Variants in KIAA0319 observed in about 807,000 individuals in gnomAD.
KIAA0319 encodes dyslexia-associated protein KIAA0319.
Under a neutral mutation model 108.4 loss-of-function variants are expected in KIAA0319, and 83 were observed. That is an observed-to-expected ratio of 0.77 (90% CI 0.64 to 0.92). The LOEUF is 0.92. Ranked by LOEUF, KIAA0319 falls within the 40% of genes least tolerant of loss-of-function variation. KIAA0319 has a pLI of 0.00. For synonymous variants in KIAA0319, 484 were observed against 510.4 expected (o/e 0.95, Z 0.70); for missense variants, 1,195 against 1,322.4 (o/e 0.90, Z 1.49).
At chr6:24,580,897 CAGG>C (rs769748671) in intron 7 of KIAA0319, 26 bp downstream of exon 7, 7 of 1,430,080 alleles carry the variant, frequency 4.9e-6, no homozygotes, top group African/African-American at 4.2e-5. Context: ...ATATGTACAA[CAGG>C]AGGTCATTCT....
At chr6:24,563,242 A>C in intron 16 of KIAA0319, 117 bp downstream of exon 16, 1 of 1,171,980 alleles carries the variant, frequency 8.5e-7, no homozygotes, top group Non-Finnish European at 1.2e-6. Flanking sequence ...AATGGGATAA[A>C]AGTGTGTCAA....
intron 1 of KIAA0319, among the ~76,000 whole-genome samples, chr6:24,635,403 C>A (rs766299316): frequency 2.6e-5 from 4 of 152,072 alleles, no homozygotes; most frequent in African/African-American, 4.8e-5. Flanking sequence ...CACACCTGGC[C>A]AGGAAAGGCA....
At chr6:24,580,313 C>A (rs933213886) in intron 7 of KIAA0319, among the ~76,000 whole-genome samples, 2 of 142,122 alleles carry the variant, frequency 1.4e-5, no homozygotes, top group Non-Finnish European at 3.1e-5. Flanking sequence ...AAGGCAACTC[C>A]CCCCCCCACC....
intron 17 of KIAA0319, among the ~76,000 whole-genome samples, chr6:24,558,769 C>T (rs533417174): frequency 6.6e-6 from 1 of 152,198 alleles, no homozygotes; most frequent in Non-Finnish European, 1.5e-5. Context: ...CTGCCAATAG[C>T]CATTATCTTG....
intron 9 of KIAA0319, among the ~76,000 whole-genome samples, chr6:24,577,693 C>A (rs1407891417): frequency 6.6e-6 from 1 of 152,186 alleles, no homozygotes. Flanking sequence ...CCCTCATACT[C>A]CACACAACCA....
At chr6:24,582,525 CCT>C (rs906916504) in intron 5 of KIAA0319, among the ~76,000 whole-genome samples, 179 bp from the exon 6 acceptor site, 4 of 149,560 alleles carry the variant, frequency 2.7e-5, no homozygotes, top group African/African-American at 9.8e-5. Flanking sequence ...GTTTTTATCC[CCT>C]CACTCTTGTT....
At chr6:24,590,046 T>C (rs1407918778) in intron 3 of KIAA0319, among the ~76,000 whole-genome samples, 1 of 152,198 alleles carries the variant, frequency 6.6e-6, no homozygotes, top group African/African-American at 2.4e-5. Flanking sequence ...ACAGGGACCA[T>C]GTGCAGTGAG....
At chr6:24,568,968 A>T in intron 12 of KIAA0319, 39 bp from the exon 13 acceptor site, 1 of 1,601,694 alleles carries the variant, frequency 6.2e-7, no homozygotes, top group Non-Finnish European at 8.5e-7. Flanking sequence ...GGGAGGGGGC[A>T]TGGGGTTTTG....
intron 3 of KIAA0319, among the ~76,000 whole-genome samples, chr6:24,594,396 T>TG (rs951035122): frequency 1.2e-4 from 18 of 151,468 alleles, no homozygotes; most frequent in African/African-American, 1.5e-4. Context: ...GAGGCCGAGG[T>TG]GGGGGTATCA....
chr6:24,602,571 C>T (rs780738367), intron 1 of KIAA0319, among the ~76,000 whole-genome samples: 3 of 152,048 alleles, frequency 2.0e-5, no homozygotes, highest in Non-Finnish European at 4.4e-5. Flanking sequence ...GAGGCCAAGG[C>T]GGGTGGATCA....
intron 2 of KIAA0319, chr6:24,598,276 C>T: frequency 1.6e-6 from 1 of 636,372 alleles, no homozygotes; most frequent in Non-Finnish European, 2.9e-6. Flanking sequence ...GGAGGTGGAC[C>T]CCAACATCCA....
intron 1 of KIAA0319, among the ~76,000 whole-genome samples, chr6:24,610,678 TG>T (rs1294940187): frequency 1.3e-5 from 2 of 152,060 alleles, no homozygotes; most frequent in African/African-American, 4.8e-5. Context: ...CCCAGCACTT[TG>T]GGAGGCTGAG....
chr6:24,603,874 T>C (rs1771026246), intron 1 of KIAA0319, among the ~76,000 whole-genome samples: 1 of 152,058 alleles, frequency 6.6e-6, no homozygotes, highest in Non-Finnish European at 1.5e-5. Flanking sequence ...CCCGTTGAAA[T>C]GCACATAGGG....
chr6:24,595,565 A>AC, intron 3 of KIAA0319, among the ~76,000 whole-genome samples: 1 of 143,266 alleles, frequency 7.0e-6, no homozygotes, highest in African/African-American at 2.5e-5. Context: ...AAAAAAAAAA[A>AC]AAAAACGCTA....
At chr6:24,590,413 A>G (rs865855639) in intron 3 of KIAA0319, among the ~76,000 whole-genome samples, 2 of 152,114 alleles carry the variant, frequency 1.3e-5, no homozygotes, top group African/African-American at 2.4e-5. Flanking sequence ...TAATTTTAAG[A>G]TGTTTGATTT....
chr6:24,599,460 C>T lies in KIAA0319; in HGVS notation c.55+1589G>A. On this transcript the variant is annotated intron_variant, in intron 2 of 20. Coordinates refer to ENST00000378214, the MANE Select transcript of KIAA0319 (RefSeq NM_014809.4). This position sits in a 1 kb window ranked among gnomAD's most constrained non-coding sequence, Gnocchi z 4.1. The stretch of plus-strand genomic sequence containing the variant: ...GTGGGCCATGCAGGACATGGCATGG[C>T]AGCTGCATGAGTACCAGGAGCTGAT... The T allele has an allele frequency of 1.8e-6, 1 of 553,778 alleles. No individual in the cohort carries two copies. The highest frequency in any genetic ancestry group is 1.9e-5 in the African/African-American group (1 of 53,316). 34.3% of individuals were successfully genotyped at this position (553,778 alleles called of 1,614,324 possible).
At chr6:24,585,296 C>T (rs1767294517) in intron 4 of KIAA0319, among the ~76,000 whole-genome samples, 2 of 151,606 alleles carry the variant, frequency 1.3e-5, no homozygotes, top group Non-Finnish European at 2.9e-5. Flanking sequence ...CAGGCAAACC[C>T]GCATCTCATT....
chr6:24,615,370 A>T (rs1051554632), intron 1 of KIAA0319, among the ~76,000 whole-genome samples: 7 of 152,190 alleles, frequency 4.6e-5, no homozygotes, highest in Non-Finnish European at 8.8e-5. Context: ...CAGTGACTAT[A>T]GTAAGCTACC....
rs563688643 is a variant in KIAA0319, at chr6:24,546,964, A to T, written c.*201T>A. 3 of 539,776 alleles carry T rather than the reference A, an allele frequency of 5.6e-6. No homozygotes were observed. The highest frequency in any genetic ancestry group is 3.3e-6 in the Non-Finnish European group (1 of 302,464). 33.4% of individuals were successfully genotyped at this position (539,776 alleles called of 1,614,324 possible). A position where few individuals can be genotyped will look rare whatever the true frequency, so the allele number is the denominator to read the frequency against. ...AGAGTTTTACCCAGCCTTTATTTCTATTAACAAGCATCTCAGTTAAAAGAG... is the reference window on the plus strand; with the variant it reads ...AGAGTTTTACCCAGCCTTTATTTCTTTTAACAAGCATCTCAGTTAAAAGAG... On this transcript the variant is annotated 3_prime_UTR_variant, in exon 21 of 21. Coordinates refer to ENST00000378214, the MANE Select transcript of KIAA0319 (RefSeq NM_014809.4).
Sources: allele counts gnomAD v4.1 joint callset (sites outside exome capture counted in the v4.1 genomes callset), GRCh38; gene constraint gnomAD v4.1.1; non-coding constraint Gnocchi (gnomAD v3.1); transcripts MANE v1.5; gene names NCBI Gene and HGNC (gene_info 2026-07-23, HGNC 2026-07-21).